The following MYRIP variants were observed in gnomAD, a reference collection of about 807,000 sequenced individuals.
MYRIP encodes the protein rab effector MyRIP.
Under a neutral mutation model 98.0 loss-of-function variants are expected in MYRIP, and 49 were observed. The observed-to-expected ratio is 0.50, with a 90% CI of 0.40 to 0.63. The LOEUF (loss-of-function observed/expected upper bound fraction) is 0.63, where lower values mean the gene tolerates loss of function less well. MYRIP is among the 30% of genes least tolerant of loss of function. The probability of loss-of-function intolerance (pLI) is 0.00; values close to 1 mark genes in which losing one functional copy is unlikely to be tolerated. For synonymous variants in MYRIP, 404 were observed against 409.5 expected, an observed-to-expected ratio of 0.99 and a Z score of 0.16; for missense variants, 1,004 against 1,058.2, an observed-to-expected ratio of 0.95 and a Z score of 0.71.
At chr3:39,916,873 G>A (rs1944176809) in intron 2 of MYRIP, among the ~76,000 whole-genome samples, 1 of 151,936 alleles carries the variant, frequency 6.6e-6, no homozygotes, top group South Asian at 2.1e-4. Flanking sequence ...TATAAAAAAG[G>A]CTATATTACA....
intron 1 of MYRIP, among the ~76,000 whole-genome samples, chr3:39,816,701 A>G (rs1940927582): frequency 6.6e-6 from 1 of 152,232 alleles, no homozygotes; most frequent in Non-Finnish European, 1.5e-5. Flanking sequence ...TGACTTGGCA[A>G]TTGAAATTAA....
intron 11 of MYRIP, among the ~76,000 whole-genome samples, chr3:40,231,023 C>T (rs1952639136): frequency 1.3e-5 from 2 of 152,134 alleles, no homozygotes; most frequent in South Asian, 4.1e-4. Flanking sequence ...CAGGGTTTCA[C>T]TGTGTTGGCC....
chr3:39,957,353 G>A (rs566233069), intron 2 of MYRIP, among the ~76,000 whole-genome samples: 3 of 151,968 alleles, frequency 2.0e-5, no homozygotes, highest in Admixed American at 1.3e-4. Flanking sequence ...CTTCATCCCT[G>A]GGATGCAAGG....
chr3:40,251,698 CTTAT>C (rs1953382204), intron 15 of MYRIP, among the ~76,000 whole-genome samples, 179 bp from the exon 16 acceptor site: 1 of 152,218 alleles, frequency 6.6e-6, no homozygotes, highest in Non-Finnish European at 1.5e-5. Flanking sequence ...GATGCCCTGA[CTTAT>C]TTGTCCATCA....
chr3:40,221,510 G>A (rs1005997359), intron 11 of MYRIP, among the ~76,000 whole-genome samples: 2 of 152,112 alleles, frequency 1.3e-5, no homozygotes, highest in Admixed American at 1.3e-4. Context: ...GAGCACCTGT[G>A]GTCCCAGCTA....
intron 3 of MYRIP, among the ~76,000 whole-genome samples, chr3:40,044,673 T>C (rs1019226517): frequency 1.3e-5 from 2 of 152,126 alleles, no homozygotes; most frequent in African/African-American, 4.8e-5. Context: ...CTCAGAGGCA[T>C]AGCGGATGGT....
intron 3 of MYRIP, among the ~76,000 whole-genome samples, chr3:40,133,053 C>T (rs1949680212): frequency 6.6e-6 from 1 of 152,210 alleles, no homozygotes; most frequent in South Asian, 2.1e-4. Flanking sequence ...GACATTCATA[C>T]CTGTGTGGTA....
At chr3:40,149,397 C>T (rs962629990) in intron 3 of MYRIP, among the ~76,000 whole-genome samples, 5 of 152,194 alleles carry the variant, frequency 3.3e-5, no homozygotes, top group Admixed American at 2.0e-4. Context: ...CCACCAGGCC[C>T]ACCTCTAGCA....
intron 2 of MYRIP, among the ~76,000 whole-genome samples, chr3:40,025,469 T>G (rs1947104050): frequency 6.6e-6 from 1 of 152,082 alleles, no homozygotes; most frequent in Non-Finnish European, 1.5e-5. Context: ...ACTTTTAAAT[T>G]ATCATGAACA....
At chr3:39,980,162 C>CAG (rs10693961) in intron 2 of MYRIP, among the ~76,000 whole-genome samples, 76,316 of 151,826 alleles carry the variant, frequency 0.5, 20,895 homozygotes, top group African/African-American at 0.75. Flanking sequence ...AGAATGCTCT[C>CAG]GGGAAGAGGA....
intron 11 of MYRIP, among the ~76,000 whole-genome samples, chr3:40,215,432 C>T (rs1480327492): frequency 6.6e-6 from 1 of 152,020 alleles, no homozygotes; most frequent in Non-Finnish European, 1.5e-5. Context: ...ATGTCTTTCT[C>T]CCCTAAACAA....
chr3:40,019,330 CG>C (rs1946938594), intron 2 of MYRIP, among the ~76,000 whole-genome samples: 1 of 152,158 alleles, frequency 6.6e-6, no homozygotes, highest in Non-Finnish European at 1.5e-5. Flanking sequence ...AAACACACCA[CG>C]TTCAGTTATG....
At chr3:40,026,108 G>T (rs1947121043) in intron 2 of MYRIP, among the ~76,000 whole-genome samples, 1 of 152,070 alleles carries the variant, frequency 6.6e-6, no homozygotes, top group Non-Finnish European at 1.5e-5. Context: ...AGCCGCATAA[G>T]ATAGACACTC....
intron 2 of MYRIP, among the ~76,000 whole-genome samples, chr3:39,968,398 A>G (rs1448461495): frequency 2.0e-5 from 3 of 151,988 alleles, no homozygotes; most frequent in Non-Finnish European, 4.4e-5. Context: ...CCTGACCTCA[A>G]GTGATCCGCC....
At chr3:40,029,437 C>T (rs1947209773) in intron 2 of MYRIP, among the ~76,000 whole-genome samples, 1 of 152,154 alleles carries the variant, frequency 6.6e-6, no homozygotes, top group African/African-American at 2.4e-5. Context: ...GAGCCCTGCT[C>T]ATGTGTTAGA....
chr3:39,998,111 T>A (rs912838178), intron 2 of MYRIP, among the ~76,000 whole-genome samples: 4 of 152,302 alleles, frequency 2.6e-5, no homozygotes, highest in Non-Finnish European at 5.9e-5. Context: ...GCATTCCCTT[T>A]GAAAACTGGC....
At position 40,238,997 on chromosome 3, in the gene MYRIP, G is replaced by A. The variant is rs376124852; in HGVS notation, c.2100+4944G>A. On this transcript the variant is annotated intron_variant, in intron 12 of 16. Coordinates refer to ENST00000302541, the MANE Select transcript of MYRIP (RefSeq NM_015460.4). ...ATGTATACATGTGCCATGCTGGTGC[G>A]CTGCACCCACTAACTCGTCATCTAG... is the stretch of plus-strand genomic sequence containing the variant. 5.3e-5 allele frequency among the ~76,000 whole-genome samples: 8 copies of A among 151,308 alleles called. No individual in the cohort carries two copies. In the South Asian group the frequency reaches 6.3e-4, roughly 12 times the overall value.
intron 1 of MYRIP, among the ~76,000 whole-genome samples, chr3:39,857,479 A>G (rs1344086973): frequency 2.0e-5 from 3 of 152,208 alleles, no homozygotes; most frequent in East Asian, 1.9e-4. Context: ...GAGAGCTTCA[A>G]CATAATTCTC....
intron 11 of MYRIP, among the ~76,000 whole-genome samples, chr3:40,217,740 T>C (rs1385682019): frequency 6.6e-6 from 1 of 152,156 alleles, no homozygotes; most frequent in East Asian, 1.9e-4. Context: ...AGTCACAGAT[T>C]GCATGAAGCC....
Sources: gnomAD v4.1 joint callset for allele counts (sites outside exome capture counted in the v4.1 genomes callset) on GRCh38, gnomAD v4.1.1 for gene constraint, MANE v1.5 for transcripts, NCBI Gene and HGNC (gene_info 2026-07-23, HGNC 2026-07-21) for gene names.